TMIGD3: variants seen among roughly 807,000 people sequenced by gnomAD.
TMIGD3 encodes the protein transmembrane and immunoglobulin domain containing 3, also known as AD026 protein (AD026).
Under a neutral mutation model 28.1 loss-of-function variants are expected in TMIGD3, and 21 were observed. That is an observed-to-expected ratio of 0.75 (90% CI 0.53 to 1.08). The LOEUF (loss-of-function observed/expected upper bound fraction) is 1.08. Among genes scored for constraint, TMIGD3 ranks in the 50% least tolerant of loss-of-function variants. TMIGD3 has a pLI of 0.00. For missense variants in TMIGD3, 416 were observed against 435.6 expected (o/e 0.96, Z 0.40); for synonymous variants, 151 against 162.1 (o/e 0.93, Z 0.52).
At chr1:111,485,633 C>G (rs1654326878) in intron 5 of TMIGD3, 107 bp downstream of exon 5, 2 of 860,798 alleles carry the variant, frequency 2.3e-6, no homozygotes, top group East Asian at 2.6e-5. Flanking sequence ...CTCCAGGTGA[C>G]CAGGCAATAT....
At chr1:111,493,742 T>C (rs764688669) in intron 1 of TMIGD3, among the ~76,000 whole-genome samples, 27 of 152,364 alleles carry the variant, frequency 1.8e-4, no homozygotes, top group Admixed American at 3.3e-4. Context: ...TTAAGTCGCT[T>C]GCCCACATTC....
chr1:111,529,508 C>T lies in TMIGD3; in HGVS notation c.107+34338G>A, dbSNP rs1192900936. On this transcript the variant is annotated intron_variant, in intron 1 of 5. Transcript: ENST00000369717. ...GTCTCTGGTTTTCCTAGGCAGAGGA[C>T]CCTGCGGCCTTCCGCAGTGTTTGTG... Among the ~76,000 whole-genome samples, 7 of 149,122 alleles carry T rather than the reference C, an allele frequency of 4.7e-5. No individual in the cohort carries two copies. In the South Asian group the frequency reaches 1.3e-3, roughly 28 times the overall value.
At position 111,483,578 on chromosome 1, in the gene TMIGD3, C is replaced by T. The variant is rs931089468; in HGVS notation, c.*109G>A. On this transcript the variant is annotated 3_prime_UTR_variant, in exon 6 of 6. Coordinates refer to ENST00000369716, the MANE Select transcript of TMIGD3 (RefSeq NM_020683.7). ...TGATTGTTGTCAAGGATAGAGGGTC[C>T]TTCAGAATTCCTGGGAGATCAGAAT... 112 of 952,306 alleles carry T rather than the reference C, an allele frequency of 1.2e-4. 4 individuals are homozygous for T. The South Asian group carries it at 1.5e-3, about 13-fold the overall frequency. 59.0% of individuals were successfully genotyped at this position (952,306 alleles called of 1,614,324 possible). A position where few individuals can be genotyped will look rare whatever the true frequency, so the allele number is the denominator to read the frequency against.
intron 1 of TMIGD3, chr1:111,501,075 T>G (rs1476677665): frequency 1.3e-5 from 2 of 157,894 alleles, no homozygotes; most frequent in Admixed American, 1.2e-4. Flanking sequence ...TAGGATTGTC[T>G]GCCTGGTGAG....
At chr1:111,547,625 C>T (rs1017800575) in intron 1 of TMIGD3, among the ~76,000 whole-genome samples, 2 of 152,132 alleles carry the variant, frequency 1.3e-5, no homozygotes, top group African/African-American at 4.8e-5. Flanking sequence ...CATTTTTTTA[C>T]ATTATTAACT....
chr1:111,547,100 T>C (rs1046903289), intron 1 of TMIGD3, among the ~76,000 whole-genome samples: 1 of 152,210 alleles, frequency 6.6e-6, no homozygotes, highest in Non-Finnish European at 1.5e-5. Flanking sequence ...ATACAACTAA[T>C]TTTTGTATAT....
chr1:111,521,508 T>A (rs544236458), intron 1 of TMIGD3, among the ~76,000 whole-genome samples: 3 of 152,346 alleles, frequency 2.0e-5, no homozygotes, highest in Admixed American at 2.0e-4. Flanking sequence ...TTAATTTGCA[T>A]ATGCCTACTA....
chr1:111,530,929 A>C (rs1656437889), intron 1 of TMIGD3, among the ~76,000 whole-genome samples: 1 of 152,030 alleles, frequency 6.6e-6, no homozygotes, highest in Non-Finnish European at 1.5e-5. Context: ...GTCCATCCCT[A>C]TTTCTCCTCT....
At chr1:111,496,760 C>T (rs2100971310) in intron 1 of TMIGD3, among the ~76,000 whole-genome samples, 1 of 152,218 alleles carries the variant, frequency 6.6e-6, no homozygotes, top group East Asian at 1.9e-4. Context: ...TAAATGTTTC[C>T]CACTCTTCTG....
chr1:111,538,060 TAA>T (rs1181396156), intron 1 of TMIGD3, among the ~76,000 whole-genome samples: 1 of 152,180 alleles, frequency 6.6e-6, no homozygotes, highest in African/African-American at 2.4e-5. Flanking sequence ...TTTCAGTTTT[TAA>T]AAAGAGTTGG....
intron 1 of TMIGD3, among the ~76,000 whole-genome samples, chr1:111,524,584 T>A (rs1656199605): frequency 6.6e-6 from 1 of 152,142 alleles, no homozygotes; most frequent in African/African-American, 2.4e-5. Flanking sequence ...TACTTTACTC[T>A]TATTTATTTC....
At chr1:111,557,062 A>G (rs145053379) in intron 1 of TMIGD3, among the ~76,000 whole-genome samples, 1 of 152,268 alleles carries the variant, frequency 6.6e-6, no homozygotes, top group African/African-American at 2.4e-5. Context: ...CACTTTGTAA[A>G]ATGTCTTTGT....
rs112307259 is a variant in TMIGD3 at position 111,483,748 on chromosome 1, G to A, written c.983C>T (p.Thr328Ile). Residue 328 changes from threonine (T) to isoleucine (I), a missense_variant, in exon 6 of 6, where the codon ACT becomes ATT. Thr to Ile is a moderately conservative substitution (Grantham distance 89). Transcript: ENST00000369716. ...RSQRNRRVGN[T>I]LKPFSRVLTP... ...CAGGACACGCGAGAAGGGCTTCAAA[G>A]TGTTGCCTACTTTGTTGGGGAATAG... The A allele has an allele frequency of 3.3e-4, 528 of 1,613,912 alleles. 3 individuals carry two copies. The highest frequency in any genetic ancestry group is 3.2e-3 in the African/African-American group (238 of 75,044).
chr1:111,491,760 C>T (rs1285787098), intron 1 of TMIGD3, among the ~76,000 whole-genome samples: 2 of 152,172 alleles, frequency 1.3e-5, no homozygotes, highest in African/African-American at 2.4e-5. Context: ...ACTTAAGAGA[C>T]ATATGACAAA....
At chr1:111,485,680 T>A in intron 5 of TMIGD3, 60 bp downstream of exon 5, 1 of 1,353,976 alleles carries the variant, frequency 7.4e-7, no homozygotes, top group Non-Finnish European at 1.0e-6. Context: ...AATCTGCTCC[T>A]TGACCTCTTT....
At chr1:111,489,645 C>T (rs779762143) in intron 2 of TMIGD3, 1 of 1,136,288 alleles carries the variant, frequency 8.8e-7, no homozygotes, top group South Asian at 1.7e-5. Context: ...GACGGAGGGC[C>T]TTGAAGAGCC....
chr1:111,538,307 G>A (rs1656709242), intron 1 of TMIGD3, among the ~76,000 whole-genome samples: 1 of 152,154 alleles, frequency 6.6e-6, no homozygotes, highest in Admixed American at 6.5e-5. Context: ...TACAGGGAAG[G>A]GGCATTTGAG....
intron 1 of TMIGD3, among the ~76,000 whole-genome samples, chr1:111,526,301 T>G (rs1656259681): frequency 6.6e-6 from 1 of 152,148 alleles, no homozygotes; most frequent in Admixed American, 6.5e-5. Flanking sequence ...GGGAGGTAAT[T>G]GAATCATGGG....
chr1:111,499,424 T>A, intron 1 of TMIGD3: 1 of 990,876 alleles, frequency 1.0e-6, no homozygotes, highest in Non-Finnish European at 1.2e-6. Flanking sequence ...AGAGCTACAC[T>A]CCAGTTAGCT....
Sources: allele counts gnomAD v4.1 joint callset (sites outside exome capture counted in the v4.1 genomes callset), GRCh38; gene constraint gnomAD v4.1.1; transcripts MANE v1.5; gene names NCBI Gene and HGNC (gene_info 2026-07-23, HGNC 2026-07-21).